The following MTCL1 variants were observed in gnomAD, a reference collection of about 807,000 sequenced individuals.
MTCL1 encodes the protein microtubule cross-linking factor 1.
A neutral mutation model predicts 141.4 loss-of-function variants in MTCL1; 79 were observed. The ratio of observed to expected loss-of-function variants is 0.56; its 90% CI spans 0.47 to 0.67. The LOEUF (loss-of-function observed/expected upper bound fraction) is 0.67, where lower values mean the gene tolerates loss of function less well. Among genes scored for constraint, MTCL1 ranks in the 30% least tolerant of loss-of-function variants. The probability of loss-of-function intolerance (pLI) is 0.00; values close to 1 mark genes in which losing one functional copy is unlikely to be tolerated. For synonymous variants in MTCL1, 914 were observed against 875.8 expected (o/e 1.04, Z -0.77); for missense variants, 2,177 against 2,113.9 (o/e 1.03, Z -0.59).
chr18:8,780,895 T>A (rs1481313342), intron 5 of MTCL1, among the ~76,000 whole-genome samples: 1 of 152,088 alleles, frequency 6.6e-6, no homozygotes, highest in Non-Finnish European at 1.5e-5. Context: ...AGGCCAGGTG[T>A]GGTGGCTCAT....
chr18:8,831,685 C>A (rs1476700925), exon 17 of MTCL1: 1 of 1,550,644 alleles, frequency 6.4e-7, no homozygotes, highest in South Asian at 1.2e-5. Flanking sequence ...CCGTCGCCCT[C>A]CGTCCCGTTG....
chr18:8,749,650 G>T (rs1375618537), intron 4 of MTCL1, among the ~76,000 whole-genome samples: 1 of 152,248 alleles, frequency 6.6e-6, no homozygotes, highest in African/African-American at 2.4e-5. Flanking sequence ...AGAGTGACAA[G>T]AGCACAGGGA....
At chr18:8,781,547 A>G (rs2096532752) in intron 5 of MTCL1, among the ~76,000 whole-genome samples, 1 of 152,338 alleles carries the variant, frequency 6.6e-6, no homozygotes, top group African/African-American at 2.4e-5. Context: ...CCTTTACCCA[A>G]TACTAATTGT....
chr18:8,733,498 T>C (rs764683864), intron 4 of MTCL1, among the ~76,000 whole-genome samples: 67 of 152,140 alleles, frequency 4.4e-4, no homozygotes, highest in African/African-American at 1.4e-3. Context: ...CTTTGCCTCC[T>C]GGGTTCAAGC....
At chr18:8,726,519 G>A (rs1188932164) in intron 4 of MTCL1, among the ~76,000 whole-genome samples, 5 of 121,812 alleles carry the variant, frequency 4.1e-5, no homozygotes, top group African/African-American at 1.2e-4. Context: ...AAGAGCGAGC[G>A]AGAGAGAGCG....
At chr18:8,776,090 G>A (rs1216919835) in intron 4 of MTCL1, among the ~76,000 whole-genome samples, 1 of 152,202 alleles carries the variant, frequency 6.6e-6, no homozygotes, top group Non-Finnish European at 1.5e-5. Flanking sequence ...TTCTGATACA[G>A]GGTGGGCACC....
At chr18:8,722,971 G>A (rs1265160773) in intron 4 of MTCL1, among the ~76,000 whole-genome samples, 1 of 152,226 alleles carries the variant, frequency 6.6e-6, no homozygotes, top group Non-Finnish European at 1.5e-5. Flanking sequence ...AGGCCAGAGT[G>A]AGACAAGTAT....
chr18:8,706,169 C>T, exon 1 of MTCL1: 1 of 1,222,334 alleles, frequency 8.2e-7, no homozygotes, highest in Non-Finnish European at 1.0e-6. Context: ...CGGGCGCCAC[C>T]CGCCCGCACC....
At chr18:8,720,041 C>A in intron 3 of MTCL1, 1 of 268,934 alleles carries the variant, frequency 3.7e-6, no homozygotes, top group Non-Finnish European at 7.0e-6. Context: ...ATTTTAAAGC[C>A]ATTTAAATTT....
At chr18:8,805,555 G>A (rs1568072510) in intron 10 of MTCL1, among the ~76,000 whole-genome samples, 1 of 152,150 alleles carries the variant, frequency 6.6e-6, no homozygotes, top group African/African-American at 2.4e-5. Context: ...TCAACTAGAT[G>A]GATTTAGAAG....
At chr18:8,708,912 G>A (rs1167568727) in intron 1 of MTCL1, among the ~76,000 whole-genome samples, 1 of 152,236 alleles carries the variant, frequency 6.6e-6, no homozygotes, top group Non-Finnish European at 1.5e-5. Context: ...GGGTTGTGAA[G>A]GAGGCTAGCA....
At chr18:8,748,996 T>C (rs1300381480) in intron 4 of MTCL1, among the ~76,000 whole-genome samples, 3 of 152,206 alleles carry the variant, frequency 2.0e-5, no homozygotes, top group Admixed American at 1.3e-4. Flanking sequence ...CACATGATGC[T>C]GCCGTCAAAA....
chr18:8,784,723 G>A, exon 6 of MTCL1: 2 of 1,614,204 alleles, frequency 1.2e-6, no homozygotes, highest in Admixed American at 1.7e-5. Flanking sequence ...ACCGCATTGG[G>A]GATGGCCTAT....
intron 12 of MTCL1, among the ~76,000 whole-genome samples, chr18:8,817,641 T>A (rs1018384302): frequency 2.6e-5 from 4 of 151,452 alleles, no homozygotes; most frequent in African/African-American, 9.7e-5. Context: ...TAGTGATGCT[T>A]AAAAAAAAAT....
chr18:8,825,837 C>T (rs762793280), exon 15 of MTCL1: 9 of 1,614,212 alleles, frequency 5.6e-6, no homozygotes, highest in Non-Finnish European at 7.6e-6. Flanking sequence ...TAATGATGGC[C>T]TCTCCAGCCT....
intron 6 of MTCL1, among the ~76,000 whole-genome samples, chr18:8,785,233 A>T (rs566457541): frequency 1.2e-3 from 176 of 152,240 alleles, no homozygotes; most frequent in African/African-American, 4.0e-3. Context: ...TGAGGAGGCT[A>T]AGACAAACGC....
chr18:8,786,012 CCG>C lies in MTCL1; in HGVS notation c.1813_1814del (p.Arg605GlyfsTer33). On this transcript the variant is annotated frameshift_variant, in exon 7 of 17. Coordinates refer to ENST00000359865, the Ensembl canonical transcript of MTCL1. LOFTEE classifies it high-confidence loss of function. ...GAGCGGGAGAGCCTGCGCCTCCGAG[CCG>C]CGCGGGAGCTGCACCGCCGCGCAGA... 1 of 1,583,782 alleles carries C rather than the reference CCG, an allele frequency of 6.3e-7. No homozygotes were observed. The highest frequency in any genetic ancestry group is 8.7e-7 in the Non-Finnish European group (1 of 1,155,988).
At chr18:8,712,299 T>C (rs2096097878) in intron 1 of MTCL1, among the ~76,000 whole-genome samples, 1 of 152,240 alleles carries the variant, frequency 6.6e-6, no homozygotes, top group Admixed American at 6.5e-5. Flanking sequence ...GGTTGAGTTT[T>C]GGTTTTATAG....
chr18:8,753,307 G>A (rs2148963060), intron 4 of MTCL1, among the ~76,000 whole-genome samples: 1 of 152,292 alleles, frequency 6.6e-6, no homozygotes, highest in African/African-American at 2.4e-5. Context: ...TAAAAAATGG[G>A]AGACACTTAT....
Sources: allele counts gnomAD v4.1 joint callset (sites outside exome capture counted in the v4.1 genomes callset), GRCh38; gene constraint gnomAD v4.1.1; transcripts MANE v1.5; gene names NCBI Gene and HGNC (gene_info 2026-07-23, HGNC 2026-07-21).